Variants in DNAH1 observed in about 807,000 individuals in gnomAD.
DNAH1 encodes axonemal beta dynein heavy chain 1.
Under a neutral mutation model 484.3 loss-of-function variants are expected in DNAH1, and 327 were observed. The observed-to-expected ratio is 0.68, with a 90% CI of 0.62 to 0.74. The LOEUF is 0.74. DNAH1 is among the 30% of genes least tolerant of loss of function. DNAH1 has a pLI of 0.00. For missense variants in DNAH1, 5,052 were observed against 5,546.8 expected (o/e 0.91, Z 2.83); for synonymous variants, 2,192 against 2,191.9 (o/e 1.00, Z 0.00).
Position 52,348,920 on chromosome 3 carries a change from C to G in DNAH1, c.2139C>G (p.Asp713Glu), listed in dbSNP as rs1301709503. The G allele has an allele frequency of 6.2e-7, 1 of 1,613,304 alleles. No homozygotes were observed. Among genetic ancestry groups the G allele is most frequent in the Non-Finnish European group, 8.5e-7 (1 of 1,179,860 alleles). ...LVMEDIFISG[D>E]PLLESVGLHE... ...TGGAGGACATCTTCATCAGCGGTGA[C>G]CCCCTGCTGGAGTCCGTGGGCCTTC... Residue 713 changes from aspartate to glutamate, a missense_variant, in exon 13 of 78, where the codon GAC (aspartate) becomes GAG (glutamate). Transcript: ENST00000420323.
chr3:52,380,791 G>A (rs1228473881), intron 48 of DNAH1, among the ~76,000 whole-genome samples: 2 of 152,218 alleles, frequency 1.3e-5, no homozygotes, highest in Non-Finnish European at 2.9e-5. Context: ...CATGATTGGA[G>A]TCGCCCCAAA....
In DNAH1 at chr3:52,364,221, G is replaced by A. The variant is rs1702977717; in HGVS notation, c.5245-417G>A. ...AGGCTGGGGGAAAAAGCATGGTGGTGTGGCCAGAAAGACGGGTCTGGAGAG... is the reference window on the plus strand; with the variant it reads ...AGGCTGGGGGAAAAAGCATGGTGGTATGGCCAGAAAGACGGGTCTGGAGAG... On this transcript the variant is annotated intron_variant, in intron 32 of 77. Transcript: ENST00000420323. The surrounding 1 kb of genome is among the most constrained non-coding windows in gnomAD (Gnocchi z 4.2). Among the ~76,000 whole-genome samples the A allele has an allele frequency of 1.3e-5, 2 of 152,252 alleles. No homozygotes were observed. The highest frequency in any genetic ancestry group is 4.8e-5 in the African/African-American group (2 of 41,462).
At chr3:52,324,747 G>T (rs995058605) in intron 3 of DNAH1, among the ~76,000 whole-genome samples, 7 of 152,154 alleles carry the variant, frequency 4.6e-5, no homozygotes, top group African/African-American at 7.2e-5. Flanking sequence ...GTTACTAACC[G>T]CAGATCTCAG....
chr3:52,358,644 C>T lies in DNAH1; in HGVS notation c.4173C>T (p.Ser1391=), dbSNP rs541677751. 5 of 1,613,302 alleles carry T rather than the reference C, an allele frequency of 3.1e-6. No homozygotes were observed. Among genetic ancestry groups the T allele is most frequent in the Non-Finnish European group, 4.2e-6 (5 of 1,179,762 alleles). ...AGTTGTGCTTCTCCATCTACCCCTCCAGCAACGTGGAGGACTGGCTGCGGG... is the reference window on the plus strand; with the variant it reads ...AGTTGTGCTTCTCCATCTACCCCTCTAGCAACGTGGAGGACTGGCTGCGGG... The part of the protein sequence containing the change: ...EVQLCFSIYP[S]SNVEDWLREV... Residue 1391 remains serine, a synonymous_variant, in exon 25 of 78, where the codon TCC becomes TCT. Transcript: ENST00000420323. The surrounding 1 kb of genome is among the most constrained non-coding windows in gnomAD (Gnocchi z 4.2).
intron 60 of DNAH1, among the ~76,000 whole-genome samples, chr3:52,390,127 GA>G (rs549759115): frequency 2.0e-5 from 3 of 150,780 alleles, no homozygotes; most frequent in African/African-American, 4.9e-5. Context: ...TCTCAAAAGA[GA>G]AAAAAAAAGA....
At chr3:52,312,874 G>A (rs1033398308), upstream of DNAH1, among the ~76,000 whole-genome samples, 49 of 151,826 alleles carry the variant, frequency 3.2e-4, no homozygotes, top group African/African-American at 1.2e-3. Context: ...GGATGGTCTC[G>A]ATCTCCTGAC....
chr3:52,378,195 C>T (rs546944866), intron 46 of DNAH1, among the ~76,000 whole-genome samples: 12 of 151,914 alleles, frequency 7.9e-5, no homozygotes, highest in Non-Finnish European at 1.5e-4. Flanking sequence ...TCCAAGCCTC[C>T]CCACGCCCAC....
chr3:52,349,421 G>A lies in DNAH1; in HGVS notation c.2526+1G>A, dbSNP rs748612396. 31 of 1,613,114 alleles carry A rather than the reference G, an allele frequency of 1.9e-5. No individual in the cohort carries two copies. The highest frequency in any genetic ancestry group is 2.6e-5 in the Non-Finnish European group (31 of 1,179,562). ...GAACCTGCATAAGGAGGTGGATAGCGTAAGTGCCCACCTGCCCCGCCTCAG... is the reference window on the plus strand; with the variant it reads ...GAACCTGCATAAGGAGGTGGATAGCATAAGTGCCCACCTGCCCCGCCTCAG... On this transcript the variant is annotated splice_donor_variant, in intron 14 of 77. Coordinates refer to ENST00000420323, the MANE Select transcript of DNAH1 (RefSeq NM_015512.5). LOFTEE classifies it high-confidence loss of function.
At chr3:52,377,775 C>CT (rs1703667353) in intron 46 of DNAH1, among the ~76,000 whole-genome samples, 1 of 152,008 alleles carries the variant, frequency 6.6e-6, no homozygotes, top group Non-Finnish European at 1.5e-5. Flanking sequence ...TCAGTGAGGC[C>CT]TCCCCCAGCA....
chr3:52,354,776 A>G, intron 20 of DNAH1, 67 bp from the exon 21 acceptor site: 7 of 1,520,534 alleles, frequency 4.6e-6, no homozygotes, highest in Non-Finnish European at 6.3e-6. Flanking sequence ...TTCCCTGGGC[A>G]GGGCTGGTCA....
chr3:52,400,357 T>C lies in DNAH1; in HGVS notation c.12709T>C (p.Tyr4237His). The change falls in exon 78 of 78, where the codon TAT becomes CAT. Residue 4237 changes from tyrosine (Y) to histidine (H), a missense_variant. Physicochemically the swap from Tyr to His is moderately conservative, Grantham distance 83. Transcript: ENST00000420323. Reference sequence around the variant, plus strand: ...ATCAACCACAGGACACTCTACCAACTATGTCATTGCTGTGGAGATCCCCAC... The same window carrying C: ...ATCAACCACAGGACACTCTACCAACCATGTCATTGCTGTGGAGATCCCCAC... ...TLSTTGHSTN[Y>H]VIAVEIPTHQ... 2 of 1,613,968 alleles carry C rather than the reference T, an allele frequency of 1.2e-6. No individual in the cohort carries two copies. Among genetic ancestry groups the C allele is most frequent in the Non-Finnish European group, 1.7e-6 (2 of 1,179,874 alleles).
upstream of DNAH1, among the ~76,000 whole-genome samples, chr3:52,316,081 C>G (rs1029675390): frequency 2.0e-5 from 3 of 152,206 alleles, no homozygotes; most frequent in African/African-American, 7.2e-5. Context: ...AGAGTGGACC[C>G]TTTCAGCTGT....
At chr3:52,326,039 C>A in intron 3 of DNAH1, 101 bp from the exon 4 acceptor site, 3 of 1,250,828 alleles carry the variant, frequency 2.4e-6, no homozygotes, top group South Asian at 1.7e-5. Flanking sequence ...TCCCACACTC[C>A]AAAGCATACT....
At position 52,397,818 on chromosome 3, in the gene DNAH1, G is replaced by C; in HGVS notation, c.11899G>C (p.Gly3967Arg). The C allele has an allele frequency of 6.2e-7, 1 of 1,613,254 alleles. No individual in the cohort carries two copies. Among genetic ancestry groups the C allele is most frequent in the Admixed American group, 1.7e-5 (1 of 59,876 alleles). ...FAQNETFALL[G>R]TIIQLQPKSS... Reference sequence around the variant, plus strand: ...CCAGAACGAGACGTTCGCCCTCCTGGGCACCATCATCCAGCTGCAACCCAA... The same window carrying C: ...CCAGAACGAGACGTTCGCCCTCCTGCGCACCATCATCCAGCTGCAACCCAA... The change falls in exon 74 of 78, where the codon GGC becomes CGC. Residue 3967 changes from glycine to arginine, a missense_variant. Transcript: ENST00000420323.
chr3:52,384,645 G>A (rs1240732434), intron 52 of DNAH1, 141 bp from the exon 53 acceptor site: 1 of 840,388 alleles, frequency 1.2e-6, no homozygotes, highest in African/African-American at 1.8e-5. Flanking sequence ...GAGGTCGTGA[G>A]GCTCATAGAG....
chr3:52,345,508 C>A lies in DNAH1; in HGVS notation c.1458C>A (p.Val486=). The change falls in exon 10 of 78, where the codon GTC becomes GTA. Residue 486 remains valine, a synonymous_variant. Coordinates refer to ENST00000420323, the MANE Select transcript of DNAH1 (RefSeq NM_015512.5). ...EQVPERGLVS[V]PKYHFWEQKE... ...CTATCCCTGCAGGGCTGGTGAGTGT[C>A]CCCAAGTACCACTTCTGGGAGCAGA... is the stretch of plus-strand genomic sequence containing the variant. 6.4e-7 allele frequency: 1 copy of A among 1,566,452 alleles called. No individual in the cohort carries two copies. Among genetic ancestry groups the A allele is most frequent in the African/African-American group, 1.4e-5 (1 of 73,814 alleles).
intron 15 of DNAH1, 117 bp downstream of exon 15, chr3:52,350,225 T>C (rs925130035): frequency 2.1e-6 from 3 of 1,437,146 alleles, no homozygotes; most frequent in African/African-American, 2.8e-5. Context: ...GGTAAGGTAG[T>C]TGGACAGAGG....
At chr3:52,393,297 C>T (rs1462591962) in intron 65 of DNAH1, 37 bp from the exon 66 acceptor site, 1 of 1,609,744 alleles carries the variant, frequency 6.2e-7, no homozygotes, top group Non-Finnish European at 8.5e-7. Context: ...TCCTTCCTCT[C>T]ACCTCTCCGC....
chr3:52,348,517 C>T (rs963570280), intron 12 of DNAH1, among the ~76,000 whole-genome samples: 15 of 152,212 alleles, frequency 9.9e-5, no homozygotes, highest in African/African-American at 3.6e-4. Flanking sequence ...GACCCAAGAG[C>T]CTCTGTAGCC....
Sources: allele counts gnomAD v4.1 joint callset (sites outside exome capture counted in the v4.1 genomes callset), GRCh38; gene constraint gnomAD v4.1.1; non-coding constraint Gnocchi (gnomAD v3.1); transcripts MANE v1.5; gene names NCBI Gene and HGNC (gene_info 2026-07-23, HGNC 2026-07-21).